Variants in ADAMTSL1 observed in about 807,000 individuals in gnomAD.
ADAMTSL1 encodes the protein ADAMTS like 1, also known as ADAMTS-like protein 1.
In ADAMTSL1, 126 loss-of-function variants were observed where a neutral mutation model predicts 201.8. The ratio of observed to expected loss-of-function variants is 0.62; its 90% CI spans 0.54 to 0.72. The LOEUF (loss-of-function observed/expected upper bound fraction) is 0.72, where lower values mean the gene tolerates loss of function less well. Ranked by LOEUF, ADAMTSL1 falls within the 30% of genes least tolerant of loss-of-function variation. ADAMTSL1 has a pLI of 0.00. For missense variants in ADAMTSL1, 2,679 were observed against 2,277.8 expected (o/e 1.18, Z -3.59); for synonymous variants, 1,121 against 903.4 (o/e 1.24, Z -4.32).
chr9:18,127,287 A>G (rs1453134874), intron 1 of ADAMTSL1, among the ~76,000 whole-genome samples: 1 of 152,178 alleles, frequency 6.6e-6, no homozygotes, highest in East Asian at 1.9e-4. Flanking sequence ...TTAACTACCT[A>G]GACCACCTGA....
intron 2 of ADAMTSL1, among the ~76,000 whole-genome samples, chr9:18,298,882 G>A (rs1323548284): frequency 6.6e-6 from 1 of 151,896 alleles, no homozygotes; most frequent in African/African-American, 2.4e-5. Flanking sequence ...GTGGTGGCGG[G>A]CGCCTGTAGT....
chr9:17,932,205 A>G (rs886317660), intron 1 of ADAMTSL1, among the ~76,000 whole-genome samples: 6 of 152,158 alleles, frequency 3.9e-5, no homozygotes, highest in Non-Finnish European at 7.3e-5. Context: ...CCTTTCTTGC[A>G]GCTGTACTTG....
chr9:18,437,961 C>G (rs980800561), intron 2 of ADAMTSL1, among the ~76,000 whole-genome samples: 10 of 152,138 alleles, frequency 6.6e-5, no homozygotes, highest in African/African-American at 2.4e-4. Flanking sequence ...CACTTATACA[C>G]CCCTGTCTGC....
At chr9:18,074,321 A>T (rs1823098225) in intron 1 of ADAMTSL1, among the ~76,000 whole-genome samples, 1 of 152,158 alleles carries the variant, frequency 6.6e-6, no homozygotes, top group Admixed American at 6.5e-5. Context: ...CTGCCAAAAG[A>T]TGGAGTGCAT....
intron 19 of ADAMTSL1, among the ~76,000 whole-genome samples, chr9:18,794,973 C>T (rs866372751): frequency 7.2e-5 from 11 of 152,162 alleles, no homozygotes; most frequent in Middle Eastern, 3.2e-3. Flanking sequence ...GGAAGCCCTA[C>T]GTTCTTTCAA....
chr9:18,470,230 C>T (rs1309849888), upstream of ADAMTSL1, among the ~76,000 whole-genome samples: 1 of 152,150 alleles, frequency 6.6e-6, no homozygotes, highest in Non-Finnish European at 1.5e-5. Flanking sequence ...TCTCTAACTC[C>T]TAGAGTTTCT....
intron 2 of ADAMTSL1, among the ~76,000 whole-genome samples, chr9:18,330,951 G>A (rs940499538): frequency 2.0e-4 from 31 of 152,164 alleles, no homozygotes; most frequent in Admixed American, 7.2e-4. Flanking sequence ...AGAAGCTTAC[G>A]TAGCTGGAGG....
At chr9:18,739,897 A>ATGTGTG (rs1277770563) in intron 15 of ADAMTSL1, among the ~76,000 whole-genome samples, 59 of 98,376 alleles carry the variant, frequency 6.0e-4, no homozygotes, top group African/African-American at 2.0e-3. Context: ...CATGTCTACT[A>ATGTGTG]TCTGTGTGTG....
intron 13 of ADAMTSL1, among the ~76,000 whole-genome samples, chr9:18,697,473 C>G (rs1397826597): frequency 6.6e-6 from 1 of 152,088 alleles, no homozygotes; most frequent in Non-Finnish European, 1.5e-5. Flanking sequence ...CTAGAAAATG[C>G]CAGCAGTTCG....
intron 2 of ADAMTSL1, among the ~76,000 whole-genome samples, chr9:18,357,847 C>T (rs1187608841): frequency 1.3e-5 from 2 of 152,142 alleles, no homozygotes; most frequent in East Asian, 1.9e-4. Context: ...TAGAATGATA[C>T]TGCTATCGTT....
At chr9:18,891,255 A>G (rs941000201) in intron 25 of ADAMTSL1, among the ~76,000 whole-genome samples, 3 of 152,052 alleles carry the variant, frequency 2.0e-5, no homozygotes, top group African/African-American at 7.3e-5. Context: ...CCTTCTTTGC[A>G]TGTGAACAAG....
At chr9:18,414,668 G>T (rs1398950356) in intron 2 of ADAMTSL1, among the ~76,000 whole-genome samples, 1 of 152,166 alleles carries the variant, frequency 6.6e-6, no homozygotes. Flanking sequence ...AAATTTCCCT[G>T]AGTTGAGGAG....
intron 23 of ADAMTSL1, among the ~76,000 whole-genome samples, chr9:18,862,442 A>G (rs1827269836): frequency 6.6e-6 from 1 of 152,176 alleles, no homozygotes; most frequent in Non-Finnish European, 1.5e-5. Flanking sequence ...AGAGAAGGGA[A>G]TATTCATAGA....
chr9:18,227,935 T>C (rs992112680), intron 2 of ADAMTSL1, among the ~76,000 whole-genome samples: 2 of 152,182 alleles, frequency 1.3e-5, no homozygotes, highest in Non-Finnish European at 2.9e-5. Flanking sequence ...GCTGAAATAA[T>C]ATTAAGGTTC....
At chr9:18,406,289 TTTTTCTTTTCTTTTC>T (rs141305844) in intron 2 of ADAMTSL1, among the ~76,000 whole-genome samples, 1,757 of 117,480 alleles carry the variant, frequency 0.015, 43 homozygotes, top group African/African-American at 0.058. Flanking sequence ...ATAAGACAGT[TTTTTCTTTTCTTTTC>T]TTTTCTTTTC....
chr9:18,195,323 T>C (rs72701548), intron 2 of ADAMTSL1, among the ~76,000 whole-genome samples: 350 of 152,262 alleles, frequency 2.3e-3, no homozygotes, highest in Non-Finnish European at 3.4e-3. Context: ...GTGGCAAGGA[T>C]CAAAACTGCC....
In ADAMTSL1 at chr9:18,419,993, G is replaced by T. The variant is rs560068264; in HGVS notation, c.208-84836G>T. The stretch of plus-strand genomic sequence containing the variant: ...TCCACCCGCCTCGGCCTTCCAAAGT[G>T]CTGGGATTACAGGTGTGAGCCACCG... On this transcript the variant is annotated intron_variant, in intron 2 of 29. Coordinates refer to the ADAMTSL1 transcript ENST00000680146. Among the ~76,000 whole-genome samples, 436 of 152,220 alleles carry T rather than the reference G, an allele frequency of 2.9e-3. 2 individuals are homozygous for T. Among genetic ancestry groups the T allele is most frequent in the Non-Finnish European group, 4.1e-3 (279 of 67,988 alleles).
At chr9:18,842,497 A>T (rs1476796404) in intron 23 of ADAMTSL1, among the ~76,000 whole-genome samples, 1 of 151,528 alleles carries the variant, frequency 6.6e-6, no homozygotes, top group African/African-American at 2.4e-5. Flanking sequence ...TGTGGTGCTG[A>T]AAAAAATGTA....
At chr9:18,744,014 G>A (rs1025114170) in intron 15 of ADAMTSL1, among the ~76,000 whole-genome samples, 3 of 152,136 alleles carry the variant, frequency 2.0e-5, no homozygotes, top group Non-Finnish European at 4.4e-5. Flanking sequence ...CCCAACTTTG[G>A]GAAAATCACT....
Sources: gnomAD v4.1 joint callset for allele counts (sites outside exome capture counted in the v4.1 genomes callset) on GRCh38, gnomAD v4.1.1 for gene constraint, MANE v1.5 for transcripts, NCBI Gene and HGNC (gene_info 2026-07-23, HGNC 2026-07-21) for gene names.